FBXO30: variants seen among roughly 807,000 people sequenced by gnomAD.
The protein encoded by FBXO30 is F-box only protein 30.
In FBXO30, 21 loss-of-function variants were observed where a neutral mutation model predicts 58.1. The ratio of observed to expected loss-of-function variants is 0.36; its 90% CI spans 0.26 to 0.52. FBXO30 has a LOEUF of 0.52. FBXO30 is among the 20% of genes least tolerant of loss of function. FBXO30 has a pLI of 0.93. For missense variants in FBXO30, 744 were observed against 897.3 expected (o/e 0.83, Z 2.18); for synonymous variants, 309 against 312.4 (o/e 0.99, Z 0.11).
At chr6:145,808,238 CA>C (rs35138994) in intron 1 of FBXO30, among the ~76,000 whole-genome samples, 13,141 of 148,712 alleles carry the variant, frequency 0.088, 1,599 homozygotes, top group African/African-American at 0.27. Context: ...TGAAAACCAC[CA>C]AAAAAAAACG....
rs1345079329 is a variant in FBXO30 at position 145,796,290 on chromosome 6, A to T, written c.*3816T>A. On this transcript the variant is annotated 3_prime_UTR_variant, in exon 3 of 3. Coordinates refer to ENST00000237281, the MANE Select transcript of FBXO30 (RefSeq NM_032145.5). Reference sequence around the variant, plus strand: ...TCCCTTATTTAGAAAGGACTTCATTAGAGTTGATCTTTTCTGAATTCGAAC... The same window carrying T: ...TCCCTTATTTAGAAAGGACTTCATTTGAGTTGATCTTTTCTGAATTCGAAC... The T allele has an allele frequency of 6.6e-6, 1 of 152,040 alleles. No individual in the cohort carries two copies. The highest frequency in any genetic ancestry group is 6.6e-5 in the Admixed American group (1 of 15,260). 9.4% of individuals were successfully genotyped at this position (152,040 alleles called of 1,614,324 possible). A position where few individuals can be genotyped will look rare whatever the true frequency, so the allele number is the denominator to read the frequency against.
chr6:145,797,102 T>C lies in FBXO30; in HGVS notation c.*3004A>G, dbSNP rs1777880805. 6.6e-6 allele frequency: 1 copy of C among 151,948 alleles called. No homozygotes were observed. Among genetic ancestry groups the C allele is most frequent in the Non-Finnish European group, 1.5e-5 (1 of 67,910 alleles). 9.4% of individuals were successfully genotyped at this position (151,948 alleles called of 1,614,324 possible). On this transcript the variant is annotated 3_prime_UTR_variant, in exon 3 of 3. Transcript: ENST00000237281. ...CCTACAATTTGAATATGTTCACGAC[T>C]CTACAACCACTAAACAAGAGAATGA... is the stretch of plus-strand genomic sequence containing the variant.
rs146013513 is a variant in FBXO30 at position 145,797,287 on chromosome 6, T to G, written c.*2819A>C. 2.0e-5 allele frequency: 3 copies of G among 152,036 alleles called. No individual in the cohort carries two copies. The highest frequency in any genetic ancestry group is 7.2e-5 in the African/African-American group (3 of 41,420). The allele number at this position is 152,036 out of a possible 1,614,324, so 9.4% of individuals were successfully genotyped here. The stretch of plus-strand genomic sequence containing the variant: ...CAACTACAGTACCCAGTGTATTTTG[T>G]CATATGGCTGTAAAATTGAGACAAC... On this transcript the variant is annotated 3_prime_UTR_variant, in exon 3 of 3. Transcript: ENST00000237281.
At chr6:145,800,375 C>T in intron 2 of FBXO30, 66 bp from the exon 3 acceptor site, 2 of 1,317,324 alleles carry the variant, frequency 1.5e-6, no homozygotes, top group South Asian at 1.2e-5. Flanking sequence ...ACACTTTTTG[C>T]TCCTACTGCA....
chr6:145,806,037 G>A lies in FBXO30; in HGVS notation c.369C>T (p.Ala123=). ...GCATCCTTTGGTCTTGAAGAGCCAA[G>A]GCCATATCCAATTGTGCCACTTCAT... ...DVDEVAQLDM[A]LALQDQRMLL... The change falls in exon 2 of 3, where the codon GCC becomes GCT. Residue 123 remains alanine, a synonymous_variant. Coordinates refer to ENST00000237281, the MANE Select transcript of FBXO30 (RefSeq NM_032145.5). 6.2e-7 allele frequency: 1 copy of A among 1,614,056 alleles called. No individual in the cohort carries two copies. Among genetic ancestry groups the A allele is most frequent in the Middle Eastern group, 1.7e-4 (1 of 6,060 alleles).
rs777157747 is a variant in FBXO30, at chr6:145,804,592, A to G, written c.1814T>C (p.Val605Ala). Residue 605 changes from valine (V) to alanine (A), a missense_variant, in exon 2 of 3, where the codon GTG (valine) becomes GCG (alanine). Val to Ala is a moderately conservative substitution (Grantham distance 64). This residue lies in a region of FBXO30 where 334 missense variants were observed against 433.7 expected (regional missense o/e 0.77). Transcript: ENST00000237281. The part of the protein sequence containing the change: ...TVLVEPARNC[V>A]LGLHNDHLSS... ...TAGATGGTCATTATGTAATCCCAAC[A>G]CACAGTTTCTAGCAGGCTCCACTAA... 2 of 1,613,750 alleles carry G rather than the reference A, an allele frequency of 1.2e-6. No homozygotes were observed. Among genetic ancestry groups the G allele is most frequent in the Non-Finnish European group, 1.7e-6 (2 of 1,179,806 alleles).
In FBXO30 at chr6:145,805,716, A is replaced by T. The variant is rs777504125; in HGVS notation, c.690T>A (p.Asp230Glu). The part of the protein sequence containing the change: ...EQQNARESLE[D>E]QNLKDQDHLY... Reference sequence around the variant, plus strand: ...GATGATCTTGGTCTTTCAAGTTTTGATCCTCTAAGCTTTCTCTCGCATTTT... The same window carrying T: ...GATGATCTTGGTCTTTCAAGTTTTGTTCCTCTAAGCTTTCTCTCGCATTTT... Residue 230 changes from aspartate to glutamate, a missense_variant, in exon 2 of 3, where the codon GAT (aspartate) becomes GAA (glutamate). By Grantham distance (45) the Asp-to-Glu change is conservative. Around this residue, in one of 3 missense-constraint regions of FBXO30, gnomAD observed 275 missense variants for 262.0 expected, o/e 1.05. Coordinates refer to ENST00000237281, the MANE Select transcript of FBXO30 (RefSeq NM_032145.5). 6.2e-7 allele frequency: 1 copy of T among 1,613,878 alleles called. No individual in the cohort carries two copies. The highest frequency in any genetic ancestry group is 8.5e-7 in the Non-Finnish European group (1 of 1,179,964).
At chr6:145,813,135 C>A (rs962730189) in intron 1 of FBXO30, among the ~76,000 whole-genome samples, 3 of 152,078 alleles carry the variant, frequency 2.0e-5, no homozygotes, top group Non-Finnish European at 2.9e-5. Flanking sequence ...GTTAGCATTA[C>A]TTATATAATA....
In FBXO30 at chr6:145,806,188, C is replaced by A. The variant is rs764531233; in HGVS notation, c.218G>T (p.Arg73Leu). ...SDFGCPFTMARNKVAEHLEMC... is the reference protein window; with the variant it reads ...SDFGCPFTMALNKVAEHLEMC... ...TTCTAGATGTTCAGCAACTTTATTT[C>A]GGGCCATGGTAAATGGACATCCAAA... The change falls in exon 2 of 3, where the codon CGA becomes CTA. Residue 73 changes from arginine to leucine, a missense_variant. Arg to Leu is a moderately radical substitution (Grantham distance 102). Transcript: ENST00000237281. 1 of 1,614,052 alleles carries A rather than the reference C, an allele frequency of 6.2e-7. No individual in the cohort carries two copies. Among genetic ancestry groups the A allele is most frequent in the Admixed American group, 1.7e-5 (1 of 60,008 alleles).
At chr6:145,812,697 C>T (rs1216435433) in intron 1 of FBXO30, among the ~76,000 whole-genome samples, 1 of 152,070 alleles carries the variant, frequency 6.6e-6, no homozygotes, top group Non-Finnish European at 1.5e-5. Context: ...TAATTAAATG[C>T]AATCATATGA....
rs762191103 is a variant in FBXO30, at chr6:145,804,430, A to G, written c.1976T>C (p.Leu659Pro). 6.2e-7 allele frequency: 1 copy of G among 1,613,756 alleles called. No individual in the cohort carries two copies. The highest frequency in any genetic ancestry group is 2.2e-5 in the East Asian group (1 of 44,874). Residue 659 changes from leucine to proline, a missense_variant, in exon 2 of 3, where the codon CTG becomes CCG. This residue lies in a region of FBXO30 where 334 missense variants were observed against 433.7 expected (regional missense o/e 0.77). Coordinates refer to ENST00000237281, the MANE Select transcript of FBXO30 (RefSeq NM_032145.5). ...TGGATACTTCCTTTTCCCCCACTGC[A>G]GTATGACCATGCCACGAGACTGAAG... ...SLLQSRGMVI[L>P]QWGKRKYPEG...
chr6:145,796,104 A>C lies in FBXO30; in HGVS notation c.*4002T>G, dbSNP rs1777862319. On this transcript the variant is annotated 3_prime_UTR_variant, in exon 3 of 3. Coordinates refer to ENST00000237281, the MANE Select transcript of FBXO30 (RefSeq NM_032145.5). ...ATGTAAGGACATAATTCTCTCTCAA[A>C]TATCCCAGTACACTAATCACTGCCT... The C allele has an allele frequency of 1.3e-5, 2 of 152,060 alleles. No homozygotes were observed. The highest frequency in any genetic ancestry group is 4.1e-4 in the South Asian group (2 of 4,830). 9.4% of individuals were successfully genotyped at this position (152,060 alleles called of 1,614,324 possible).
chr6:145,800,079 A>G lies in FBXO30; in HGVS notation c.*27T>C. On this transcript the variant is annotated 3_prime_UTR_variant, in exon 3 of 3. Transcript: ENST00000237281. The stretch of plus-strand genomic sequence containing the variant: ...CAAAGAAATTATACTAGGTGCTTGC[A>G]TATATGTGCTAGTAATATTACAACT... 6.5e-7 allele frequency: 1 copy of G among 1,539,208 alleles called. No individual in the cohort carries two copies.
At chr6:145,803,990 T>TG (rs1297656051) in intron 2 of FBXO30, among the ~76,000 whole-genome samples, 1 of 152,118 alleles carries the variant, frequency 6.6e-6, no homozygotes, top group Non-Finnish European at 1.5e-5. Context: ...GAGAGACAAT[T>TG]ACAAGCAGGA....
chr6:145,794,250 A>AT lies in FBXO30; in HGVS notation c.*5855dup, dbSNP rs1038056997. 3 of 151,918 alleles carry AT rather than the reference A, an allele frequency of 2.0e-5. No homozygotes were observed. Among genetic ancestry groups the AT allele is most frequent in the African/African-American group, 7.2e-5 (3 of 41,412 alleles). 9.4% of individuals were successfully genotyped at this position (151,918 alleles called of 1,614,324 possible). ...CTAGCTTCATTCACTTAGGTTTTTT[A>AT]TCCTCCAAAGAATATCACATCTTTC... On this transcript the variant is annotated 3_prime_UTR_variant, in exon 3 of 3. Transcript: ENST00000237281.
chr6:145,802,356 G>T (rs1171379340), intron 2 of FBXO30, among the ~76,000 whole-genome samples: 1 of 152,094 alleles, frequency 6.6e-6, no homozygotes, highest in Non-Finnish European at 1.5e-5. Context: ...TTCTTTGTCT[G>T]TAAAATGGGT....
chr6:145,804,620 C>G lies in FBXO30; in HGVS notation c.1786G>C (p.Val596Leu). 6.2e-7 allele frequency: 1 copy of G among 1,613,820 alleles called. No homozygotes were observed. ...CAGTTTCTAGCAGGCTCCACTAATA[C>G]TGTAGATACACATGGCTGAACTCCA... ...SFGVQPCVST[V>L]LVEPARNCVL... Residue 596 changes from valine to leucine, a missense_variant, in exon 2 of 3, where the codon GTA (valine) becomes CTA (leucine). Transcript: ENST00000237281.
chr6:145,802,562 T>C (rs1778035804), intron 2 of FBXO30, among the ~76,000 whole-genome samples: 1 of 152,104 alleles, frequency 6.6e-6, no homozygotes, highest in African/African-American at 2.4e-5. Context: ...AAAGATGAGA[T>C]TATGAAAAGT....
rs1168376912 is a variant in FBXO30 at position 145,798,383 on chromosome 6, CAATG to C, written c.*1719_*1722del. 6.6e-6 allele frequency: 1 copy of C among 152,238 alleles called. No individual in the cohort carries two copies. Among genetic ancestry groups the C allele is most frequent in the Non-Finnish European group, 1.5e-5 (1 of 67,898 alleles). The allele number at this position is 152,238 out of a possible 1,614,324, so 9.4% of individuals were successfully genotyped here. A position where few individuals can be genotyped will look rare whatever the true frequency, so the allele number is the denominator to read the frequency against. The stretch of plus-strand genomic sequence containing the variant: ...GAAATAAGAAGTCTAAATTTAAAAA[CAATG>C]AATTTTAAAAAGCATAACTATAAAA... On this transcript the variant is annotated 3_prime_UTR_variant, in exon 3 of 3. Coordinates refer to ENST00000237281, the MANE Select transcript of FBXO30 (RefSeq NM_032145.5).
Sources: gnomAD v4.1 joint callset for allele counts (sites outside exome capture counted in the v4.1 genomes callset) on GRCh38, gnomAD v4.1.1 for gene constraint, gnomAD v4.1.1 regional missense constraint, MANE v1.5 for transcripts, NCBI Gene and HGNC (gene_info 2026-07-23, HGNC 2026-07-21) for gene names.